CRIM1: variants seen among roughly 807,000 people sequenced by gnomAD.
CRIM1 encodes cysteine rich transmembrane BMP regulator 1, also known as cysteine-rich motor neuron 1 protein.
In CRIM1, 32 loss-of-function variants were observed where a neutral mutation model predicts 116.4. The observed-to-expected ratio is 0.27, with a 90% confidence interval of 0.21 to 0.37. The LOEUF (loss-of-function observed/expected upper bound fraction) is 0.37. Ranked by LOEUF, CRIM1 falls within the 10% of genes least tolerant of loss-of-function variation. The pLI is 1.00. For synonymous variants in CRIM1, 590 were observed against 509.2 expected, an observed-to-expected ratio of 1.16 and a Z score of -2.13; for missense variants, 1,331 against 1,354.8, an observed-to-expected ratio of 0.98 and a Z score of 0.28.
At chr2:36,480,364 A>T (rs1679314275) in intron 7 of CRIM1, among the ~76,000 whole-genome samples, 2 of 152,298 alleles carry the variant, frequency 1.3e-5, no homozygotes, top group Middle Eastern at 6.8e-3. Flanking sequence ...TCAGTCTTTA[A>T]TCTTGTGTCC....
At chr2:36,395,223 C>G (rs781228730) in intron 1 of CRIM1, among the ~76,000 whole-genome samples, 2 of 152,068 alleles carry the variant, frequency 1.3e-5, no homozygotes, top group African/African-American at 4.8e-5. Flanking sequence ...CCATGTTGGC[C>G]AGGCTGATGG....
intron 2 of CRIM1, among the ~76,000 whole-genome samples, chr2:36,440,509 G>C (rs776951613): frequency 2.6e-5 from 4 of 152,176 alleles, no homozygotes; most frequent in Non-Finnish European, 4.4e-5. Context: ...GGTTTCAGAA[G>C]CCAGGGCTTT....
At position 36,544,435 on chromosome 2, in the gene CRIM1, G is replaced by T; in HGVS notation, c.2683G>T (p.Val895Phe). ...PIEKTNHRGE[V>F]DLEVPLWPTP... ...TGAGAAGACAAACCATCGAGGAGAG[G>T]TTGACCTGGAGGTTCCCCTGTGGCC... Residue 895 changes from valine to phenylalanine, a missense_variant, in exon 15 of 17, where the codon GTT becomes TTT. This residue lies in a region of CRIM1 where 283 missense variants were observed against 242.8 expected (regional missense o/e 1.17). Transcript: ENST00000280527. The T allele has an allele frequency of 1.4e-6, 2 of 1,429,102 alleles. No individual in the cohort carries two copies. The highest frequency in any genetic ancestry group is 1.8e-6 in the Non-Finnish European group (2 of 1,085,334). 88.5% of individuals were successfully genotyped at this position (1,429,102 alleles called of 1,614,324 possible).
At chr2:36,454,603 A>G (rs1244596808) in intron 4 of CRIM1, among the ~76,000 whole-genome samples, 2 of 152,180 alleles carry the variant, frequency 1.3e-5, no homozygotes, top group South Asian at 2.1e-4. Context: ...TGCAGTTAGT[A>G]GTTCTTGGGG....
rs1239291765 is a variant in CRIM1 at position 36,517,366 on chromosome 2, C to T, written c.2030C>T (p.Ser677Phe). 6.2e-7 allele frequency: 1 copy of T among 1,614,208 alleles called. No individual in the cohort carries two copies. Among genetic ancestry groups the T allele is most frequent in the Non-Finnish European group, 8.5e-7 (1 of 1,180,036 alleles). ...CAGAAGCCAGAGCTCAGTACTCCCT[C>T]CATTTGCCACGCCCCTGGAGGAGAA... ...VVQKPELSTP[S>F]ICHAPGGEYF... The change falls in exon 12 of 17, where the codon TCC becomes TTC. Residue 677 changes from serine to phenylalanine, a missense_variant. Ser to Phe is a radical substitution (Grantham distance 155). This residue lies in a region of CRIM1 where 358 missense variants were observed against 436.1 expected (regional missense o/e 0.82). Transcript: ENST00000280527.
chr2:36,476,882 T>A lies in CRIM1; in HGVS notation c.992-7T>A. ...AAATATGCCTTGTTTGTTTTAACTC[T>A]TTTCAGATACAAAGCCAGCCTGCGT... On this transcript the variant is annotated splice_region_variant and splice_polypyrimidine_tract_variant and intron_variant, in intron 5 of 16. Coordinates refer to ENST00000280527, the MANE Select transcript of CRIM1 (RefSeq NM_016441.3). 6.2e-7 allele frequency: 1 copy of A among 1,606,196 alleles called. No homozygotes were observed. Among genetic ancestry groups the A allele is most frequent in the South Asian group, 1.1e-5 (1 of 89,714 alleles).
chr2:36,444,679 C>G (rs898711947), intron 4 of CRIM1, among the ~76,000 whole-genome samples: 1 of 152,194 alleles, frequency 6.6e-6, no homozygotes. Flanking sequence ...GATAGGTTCT[C>G]ACAGCTCTTT....
chr2:36,381,120 C>A (rs887106169), intron 1 of CRIM1, among the ~76,000 whole-genome samples: 1 of 152,214 alleles, frequency 6.6e-6, no homozygotes, highest in Non-Finnish European at 1.5e-5. Context: ...CGCCCCTACC[C>A]CCCACACAGG....
chr2:36,404,135 T>C (rs1007635902), intron 2 of CRIM1, among the ~76,000 whole-genome samples: 1 of 152,164 alleles, frequency 6.6e-6, no homozygotes, highest in Admixed American at 6.5e-5. Context: ...AAGTGACTCC[T>C]CTGTTAGCAT....
rs181907470 is a variant in CRIM1 at position 36,455,568 on chromosome 2, A to G, written c.870-8966A>G. On this transcript the variant is annotated intron_variant, in intron 4 of 16. Coordinates refer to ENST00000280527, the MANE Select transcript of CRIM1 (RefSeq NM_016441.3). ...ACCTCTGCCCTCTAAAGCGTTGGAT[A>G]GGAGACAGAGTCACCGGAAGGGAAG... is the stretch of plus-strand genomic sequence containing the variant. Among the ~76,000 whole-genome samples, 444 of 152,266 alleles carry G rather than the reference A, an allele frequency of 2.9e-3. 3 individuals are homozygous for G. The highest frequency in any genetic ancestry group is 0.01 in the African/African-American group (428 of 41,562).
rs79073726 is a variant in CRIM1, at chr2:36,525,225, G to C, written c.2428+2912G>C. Among the ~76,000 whole-genome samples, 852 of 152,300 alleles carry C rather than the reference G, an allele frequency of 5.6e-3. 1 individual carries two copies. The highest frequency in any genetic ancestry group is 9.5e-3 in the Non-Finnish European group (647 of 68,030). Reference sequence around the variant, plus strand: ...CTTCTGTCTGCATCATATTTACTTTGCAAGTAGCGTTGTTAGATAGGCCTT... The same window carrying C: ...CTTCTGTCTGCATCATATTTACTTTCCAAGTAGCGTTGTTAGATAGGCCTT... On this transcript the variant is annotated intron_variant, in intron 13 of 16. Transcript: ENST00000280527.
At chr2:36,390,173 A>C (rs1671465955) in intron 1 of CRIM1, among the ~76,000 whole-genome samples, 1 of 152,220 alleles carries the variant, frequency 6.6e-6, no homozygotes, top group Non-Finnish European at 1.5e-5. Flanking sequence ...TTGGAAGTAC[A>C]GGTGTTTCCT....
intron 6 of CRIM1, 79 bp downstream of exon 6, chr2:36,477,150 T>C: frequency 8.5e-7 from 1 of 1,169,802 alleles, no homozygotes. Context: ...CCTAATTCAG[T>C]CTCATCCAAA....
chr2:36,485,216 A>G (rs1412076755), intron 7 of CRIM1, among the ~76,000 whole-genome samples: 1 of 152,196 alleles, frequency 6.6e-6, no homozygotes, highest in Non-Finnish European at 1.5e-5. Context: ...GGTTGAACCA[A>G]AAAATCCACT....
At chr2:36,531,700 A>G in intron 13 of CRIM1, 1 of 308,640 alleles carries the variant, frequency 3.2e-6, no homozygotes, top group East Asian at 9.5e-5. Flanking sequence ...AAAGGAATTA[A>G]CATTTCAAGG....
At chr2:36,544,650 C>A in intron 15 of CRIM1, 152 bp downstream of exon 15, 3 of 743,110 alleles carry the variant, frequency 4.0e-6, no homozygotes, top group Non-Finnish European at 5.5e-6. Context: ...TTGGCTGAAA[C>A]ATATTTACAC....
intron 1 of CRIM1, among the ~76,000 whole-genome samples, chr2:36,375,500 A>C (rs1670255959): frequency 1.3e-5 from 2 of 152,252 alleles, no homozygotes. Flanking sequence ...AATATATTTT[A>C]TGTAAATGTT....
intron 1 of CRIM1, among the ~76,000 whole-genome samples, chr2:36,381,252 G>C (rs1326862571): frequency 1.3e-5 from 2 of 152,218 alleles, no homozygotes; most frequent in African/African-American, 2.4e-5. Flanking sequence ...GAGGGGGAAG[G>C]AGTGCCCCAT....
chr2:36,483,918 T>C (rs1194375900), intron 7 of CRIM1, among the ~76,000 whole-genome samples: 1 of 152,192 alleles, frequency 6.6e-6, no homozygotes, highest in African/African-American at 2.4e-5. Context: ...GGAAGAATAA[T>C]GTCAGCATGC....
Sources: allele counts gnomAD v4.1 joint callset (sites outside exome capture counted in the v4.1 genomes callset), GRCh38; gene constraint gnomAD v4.1.1; regional missense constraint gnomAD v4.1.1; transcripts MANE v1.5; gene names NCBI Gene and HGNC (gene_info 2026-07-23, HGNC 2026-07-21).